The following FAM219A variants were observed in gnomAD, a reference collection of about 807,000 sequenced individuals.
FAM219A encodes protein FAM219A.
A neutral mutation model predicts 23.4 loss-of-function variants in FAM219A; 7 were observed. The ratio of observed to expected loss-of-function variants is 0.30; its 90% confidence interval spans 0.17 to 0.56. FAM219A has a LOEUF of 0.56. Ranked by LOEUF, FAM219A falls within the 20% of genes least tolerant of loss-of-function variation. FAM219A has a pLI of 0.92. For synonymous variants in FAM219A, 93 were observed against 99.0 expected (o/e 0.94, Z 0.36); for missense variants, 166 against 246.9 (o/e 0.67, Z 2.20).
At chr9:34,411,676 C>CAAA (rs55988337) in intron 1 of FAM219A, among the ~76,000 whole-genome samples, 3 of 114,572 alleles carry the variant, frequency 2.6e-5, no homozygotes, top group African/African-American at 3.2e-5. Context: ...GACTCCGTCT[C>CAAA]AAAAAAAAAA....
chr9:34,450,506 A>G (rs1003920541), intron 1 of FAM219A, among the ~76,000 whole-genome samples: 7 of 151,254 alleles, frequency 4.6e-5, no homozygotes, highest in Non-Finnish European at 1.0e-4. Context: ...TGCAACCTCC[A>G]CCTCCTGGGT....
chr9:34,440,706 C>T (rs1474559106), intron 1 of FAM219A, among the ~76,000 whole-genome samples: 2 of 151,970 alleles, frequency 1.3e-5, no homozygotes, highest in Admixed American at 6.5e-5. Flanking sequence ...AAAAATTAGC[C>T]GGGCATGGTG....
chr9:34,414,978 G>A (rs1463900767), intron 1 of FAM219A, among the ~76,000 whole-genome samples: 1 of 151,984 alleles, frequency 6.6e-6, no homozygotes, highest in Non-Finnish European at 1.5e-5. Flanking sequence ...TAGAGACAGG[G>A]TCTCACTCTG....
intron 1 of FAM219A, among the ~76,000 whole-genome samples, chr9:34,418,316 CT>C (rs1822112647): frequency 6.6e-6 from 1 of 152,122 alleles, no homozygotes; most frequent in South Asian, 2.1e-4. Flanking sequence ...AGACTGATGT[CT>C]TAGACTGATG....
At chr9:34,407,730 A>C (rs1012001372) in intron 1 of FAM219A, among the ~76,000 whole-genome samples, 21 of 152,306 alleles carry the variant, frequency 1.4e-4, no homozygotes, top group Non-Finnish European at 2.1e-4. Context: ...TGCTAAGCCT[A>C]AGGTGCGAGG....
chr9:34,420,415 G>A (rs74501963), intron 1 of FAM219A, among the ~76,000 whole-genome samples: 3,176 of 152,314 alleles, frequency 0.021, 103 homozygotes, highest in East Asian at 0.13. Flanking sequence ...CTTTGGCAGA[G>A]GGTTTAAAGC....
chr9:34,456,607 G>T (rs1403340202), intron 1 of FAM219A, among the ~76,000 whole-genome samples: 1 of 152,156 alleles, frequency 6.6e-6, no homozygotes, highest in Non-Finnish European at 1.5e-5. Context: ...GACAAGCCAG[G>T]TTAGCTAGAA....
chr9:34,458,321 G>C lies in FAM219A; in HGVS notation c.-58C>G. 8.3e-7 allele frequency: 1 copy of C among 1,201,382 alleles called. No homozygotes were observed. Among genetic ancestry groups the C allele is most frequent in the Non-Finnish European group, 1.0e-6 (1 of 964,198 alleles). The allele number at this position is 1,201,382 out of a possible 1,614,324, so 74.4% of individuals were successfully genotyped here. ...CGCGGCCGCGGACGCCGACAGGACCGCGCGGGGCGGCGGCCCCAGGAGCCC... is the reference window on the plus strand; with the variant it reads ...CGCGGCCGCGGACGCCGACAGGACCCCGCGGGGCGGCGGCCCCAGGAGCCC... On this transcript the variant is annotated 5_prime_UTR_variant, in exon 1 of 6. Coordinates refer to ENST00000651358, the MANE Select transcript of FAM219A (RefSeq NM_001184940.2). The surrounding 1 kb of genome is among the most constrained non-coding windows in gnomAD (Gnocchi z 6.6).
Position 34,400,774 on chromosome 9 carries a change from T to C in FAM219A, c.*190A>G, listed in dbSNP as rs1821388553. 2 of 544,190 alleles carry C rather than the reference T, an allele frequency of 3.7e-6. No homozygotes were observed. The highest frequency in any genetic ancestry group is 5.8e-6 in the Non-Finnish European group (2 of 343,888). The allele number at this position is 544,190 out of a possible 1,614,324, so 33.7% of individuals were successfully genotyped here. On this transcript the variant is annotated 3_prime_UTR_variant, in exon 6 of 6. Transcript: ENST00000651358. ...CGGGTGGAGAGAGACCCAGTTTTGG[T>C]TTCTCCAGCTCCATGAACACACAGA...
At chr9:34,416,180 GAGA>G (rs1391552447) in intron 1 of FAM219A, among the ~76,000 whole-genome samples, 1 of 110,564 alleles carries the variant, frequency 9.0e-6, no homozygotes, top group East Asian at 3.0e-4. Context: ...TGAGAAGAAA[GAGA>G]AAAGAAAGAA....
intron 1 of FAM219A, among the ~76,000 whole-genome samples, chr9:34,422,521 G>T (rs1167196836): frequency 2.6e-5 from 4 of 152,176 alleles, no homozygotes. Context: ...CACTTGGAAG[G>T]CTGGTACCTA....
intron 1 of FAM219A, chr9:34,406,509 A>C (rs1588033278): frequency 1.0e-6 from 1 of 984,932 alleles, no homozygotes. Context: ...ACAAAAAAAT[A>C]GTTCTAATGA....
At chr9:34,439,212 C>T (rs1452983804) in intron 1 of FAM219A, among the ~76,000 whole-genome samples, 11 of 152,224 alleles carry the variant, frequency 7.2e-5, no homozygotes, top group African/African-American at 2.2e-4. Flanking sequence ...CGAGGGTCCG[C>T]GGCTTTATTC....
rs1471319494 is a variant in FAM219A, at chr9:34,457,878, C to T, written c.60+326G>A. ...CCCAGACCCCTGGGCCTGCCGCCGGCGGTGCCCCATGGCAGTTCCCTCGCC... is the reference window on the plus strand; with the variant it reads ...CCCAGACCCCTGGGCCTGCCGCCGGTGGTGCCCCATGGCAGTTCCCTCGCC... On this transcript the variant is annotated intron_variant, in intron 1 of 5. Coordinates refer to ENST00000651358, the MANE Select transcript of FAM219A (RefSeq NM_001184940.2). This position sits in a 1 kb window ranked among gnomAD's most constrained non-coding sequence, Gnocchi z 5.1. Among the ~76,000 whole-genome samples, 18 of 152,348 alleles carry T rather than the reference C, an allele frequency of 1.2e-4. No individual in the cohort carries two copies. The East Asian group carries it at 2.7e-3, about 23-fold the overall frequency.
chr9:34,451,293 C>CTCCT (rs920694308), intron 1 of FAM219A, among the ~76,000 whole-genome samples: 16 of 152,130 alleles, frequency 1.1e-4, no homozygotes, highest in South Asian at 4.1e-4. Flanking sequence ...GCTGGTTCCC[C>CTCCT]TCCTTCCTTC....
chr9:34,409,109 G>A (rs1019138753), intron 1 of FAM219A, among the ~76,000 whole-genome samples: 1 of 152,190 alleles, frequency 6.6e-6, no homozygotes, highest in Non-Finnish European at 1.5e-5. Flanking sequence ...CACAATTCAG[G>A]AGGGCCTGAC....
chr9:34,416,236 AAAGAAAGAAAGAAAGAAAG>A (rs1822010772), intron 1 of FAM219A, among the ~76,000 whole-genome samples: 1 of 133,694 alleles, frequency 7.5e-6, no homozygotes, highest in African/African-American at 2.8e-5. Context: ...AGAAAGAAAG[AAAGAAAGAAAGAAAGAAAG>A]AAAGGGGGAG....
intron 1 of FAM219A, among the ~76,000 whole-genome samples, chr9:34,421,418 A>G (rs1350012893): frequency 6.6e-6 from 1 of 152,082 alleles, no homozygotes; most frequent in Admixed American, 6.5e-5. Flanking sequence ...CTGCTAAGCT[A>G]GATGGTCCTA....
chr9:34,452,016 C>G (rs1220816265), intron 1 of FAM219A, among the ~76,000 whole-genome samples: 1 of 152,118 alleles, frequency 6.6e-6, no homozygotes, highest in Non-Finnish European at 1.5e-5. Context: ...TGGTAAAAGG[C>G]AAAGCCAGAA....
Sources: allele counts gnomAD v4.1 joint callset (sites outside exome capture counted in the v4.1 genomes callset), GRCh38; gene constraint gnomAD v4.1.1; non-coding constraint Gnocchi (gnomAD v3.1); transcripts MANE v1.5; gene names NCBI Gene and HGNC (gene_info 2026-07-23, HGNC 2026-07-21).